Variants in TNS3 observed in about 807,000 individuals in gnomAD.
TNS3 encodes the protein tensin 3.
A neutral mutation model predicts 140.9 loss-of-function variants in TNS3; 45 were observed. The ratio of observed to expected loss-of-function variants is 0.32; its 90% CI spans 0.25 to 0.41. The LOEUF (loss-of-function observed/expected upper bound fraction) is 0.41. Ranked by LOEUF, TNS3 falls within the 10% of genes least tolerant of loss-of-function variation. The pLI, the probability that TNS3 is intolerant of heterozygous loss-of-function variation, is 1.00. For missense variants in TNS3, 1,716 were observed against 1,906.7 expected (o/e 0.90, Z 1.86); for synonymous variants, 815 against 788.4 (o/e 1.03, Z -0.56).
chr7:47,430,620 A>G (rs1423873807), intron 8 of TNS3, among the ~76,000 whole-genome samples: 3 of 152,180 alleles, frequency 2.0e-5, no homozygotes, highest in Non-Finnish European at 4.4e-5. Context: ...CAGAATACGC[A>G]TTCTTCTGAA....
chr7:47,556,992 G>A (rs1800211873), intron 1 of TNS3: 1 of 455,640 alleles, frequency 2.2e-6, no homozygotes, highest in East Asian at 6.9e-5. Flanking sequence ...GCCCCCCACA[G>A]ACGATAACCA....
At chr7:47,324,411 T>C (rs1787916056) in intron 20 of TNS3, among the ~76,000 whole-genome samples, 1 of 152,278 alleles carries the variant, frequency 6.6e-6, no homozygotes, top group Admixed American at 6.5e-5. Context: ...ATTGTCTTCC[T>C]ATCCACAAAC....
At chr7:47,383,251 G>A (rs11764177) in intron 16 of TNS3, among the ~76,000 whole-genome samples, 29,310 of 152,176 alleles carry the variant, frequency 0.19, 2,994 homozygotes, top group Non-Finnish European at 0.22. Context: ...GAGCGTAACA[G>A]GAATGCAGCT....
chr7:47,495,876 C>CAGA, intron 3 of TNS3, among the ~76,000 whole-genome samples: 1 of 152,188 alleles, frequency 6.6e-6, no homozygotes, highest in Non-Finnish European at 1.5e-5. Context: ...TCCTCCATCT[C>CAGA]GGCAGAGGGA....
intron 1 of TNS3, among the ~76,000 whole-genome samples, chr7:47,558,839 G>A (rs889946481): frequency 6.6e-6 from 1 of 152,108 alleles, no homozygotes; most frequent in Non-Finnish European, 1.5e-5. Flanking sequence ...GCCCTCCTTG[G>A]TTATGTCCAA....
At chr7:47,411,612 A>G (rs1793772929) in intron 13 of TNS3, 115 bp downstream of exon 13, 4 of 1,092,298 alleles carry the variant, frequency 3.7e-6, no homozygotes, top group Non-Finnish European at 5.2e-6. Flanking sequence ...TTCTTCCTAC[A>G]GGGTACTTTT....
At chr7:47,581,467 T>A (rs1784532933) in intron 1 of TNS3, 1 of 152,196 alleles carries the variant, frequency 6.6e-6, no homozygotes, top group African/African-American at 2.4e-5. Context: ...GAGAAGGGTC[T>A]TGAGCCTGCC....
chr7:47,286,041 C>G (rs1584314268), intron 27 of TNS3, among the ~76,000 whole-genome samples: 1 of 152,152 alleles, frequency 6.6e-6, no homozygotes, highest in Non-Finnish European at 1.5e-5. Flanking sequence ...ACAGACTTCA[C>G]GAGAGGGACA....
intron 7 of TNS3, among the ~76,000 whole-genome samples, chr7:47,435,660 GA>G (rs1795144370): frequency 6.6e-6 from 1 of 152,162 alleles, no homozygotes. Flanking sequence ...GACAATTCTA[GA>G]AAGGTCTTTG....
intron 28 of TNS3, among the ~76,000 whole-genome samples, chr7:47,282,511 G>A (rs1010507697): frequency 1.3e-5 from 2 of 151,842 alleles, no homozygotes; most frequent in African/African-American, 4.8e-5. Context: ...ACACAGTGGG[G>A]CTGAGCCATG....
At chr7:47,581,418 G>GGAAAGA (rs1017186501) in intron 1 of TNS3, 6 of 151,744 alleles carry the variant, frequency 4.0e-5, no homozygotes, top group African/African-American at 1.5e-4. Context: ...AAAGGGAAAG[G>GGAAAGA]GAAAGAGACG....
chr7:47,501,461 G>A (rs1359549645), intron 3 of TNS3, among the ~76,000 whole-genome samples: 1 of 152,202 alleles, frequency 6.6e-6, no homozygotes, highest in African/African-American at 2.4e-5. Context: ...TCCGTGGCCT[G>A]TGTGCTGGCA....
chr7:47,514,194 C>T (rs1487086436), intron 2 of TNS3, among the ~76,000 whole-genome samples: 1 of 152,210 alleles, frequency 6.6e-6, no homozygotes, highest in Middle Eastern at 3.2e-3. Flanking sequence ...GACTGATTAA[C>T]CCACAGCGGG....
intron 15 of TNS3, among the ~76,000 whole-genome samples, chr7:47,397,407 T>C (rs1792898259): frequency 6.6e-6 from 1 of 152,186 alleles, no homozygotes; most frequent in Non-Finnish European, 1.5e-5. Flanking sequence ...CCACAGCTAT[T>C]AAAAAGGGAA....
At chr7:47,529,399 A>C (rs1799313730) in intron 1 of TNS3, among the ~76,000 whole-genome samples, 1 of 152,186 alleles carries the variant, frequency 6.6e-6, no homozygotes, top group Non-Finnish European at 1.5e-5. Flanking sequence ...ATCAATCACC[A>C]CATGGGGTGC....
chr7:47,501,720 G>C (rs137864011), intron 3 of TNS3, among the ~76,000 whole-genome samples: 224 of 152,286 alleles, frequency 1.5e-3, no homozygotes, highest in African/African-American at 5.1e-3. Flanking sequence ...GGGTTGCAAA[G>C]AGCTATGGGA....
rs556528942 is a variant in TNS3 at position 47,378,930 on chromosome 7, G to A, written c.1025-9309C>T. Among the ~76,000 whole-genome samples the A allele has an allele frequency of 2.0e-5, 3 of 152,338 alleles. No individual in the cohort carries two copies. The East Asian group carries it at 5.8e-4, about 29-fold the overall frequency. ...TTTCCAGCAGACCATTCAGTTGATGGGTCTGGTGCTGCACAATGTGGAACA... is the reference window on the plus strand; with the variant it reads ...TTTCCAGCAGACCATTCAGTTGATGAGTCTGGTGCTGCACAATGTGGAACA... On this transcript the variant is annotated intron_variant, in intron 16 of 30. Coordinates refer to ENST00000311160, the MANE Select transcript of TNS3 (RefSeq NM_022748.12).
At chr7:47,537,404 T>G (rs1361547116) in intron 1 of TNS3, among the ~76,000 whole-genome samples, 1 of 151,382 alleles carries the variant, frequency 6.6e-6, no homozygotes, top group African/African-American at 2.4e-5. Flanking sequence ...GAATTAGCCC[T>G]CCCTCCCCCG....
At chr7:47,434,209 T>C (rs1465341475) in intron 8 of TNS3, among the ~76,000 whole-genome samples, 1 of 151,578 alleles carries the variant, frequency 6.6e-6, no homozygotes, top group African/African-American at 2.4e-5. Flanking sequence ...AGGAAAGATA[T>C]ACTGAGAGTC....
Sources: gnomAD v4.1 joint callset for allele counts (sites outside exome capture counted in the v4.1 genomes callset) on GRCh38, gnomAD v4.1.1 for gene constraint, MANE v1.5 for transcripts, NCBI Gene and HGNC (gene_info 2026-07-23, HGNC 2026-07-21) for gene names.